SCUBE1: variants seen among roughly 807,000 people sequenced by gnomAD.
SCUBE1 encodes signal peptide, CUB domain and EGF like domain containing 1.
A neutral mutation model predicts 124.4 loss-of-function variants in SCUBE1; 59 were observed. The ratio of observed to expected loss-of-function variants is 0.47; its 90% CI spans 0.38 to 0.59. The LOEUF (loss-of-function observed/expected upper bound fraction) is 0.59, where lower values mean the gene tolerates loss of function less well. Among genes scored for constraint, SCUBE1 ranks in the 20% least tolerant of loss-of-function variants. The pLI is 0.00. For synonymous variants in SCUBE1, 545 were observed against 550.9 expected, an observed-to-expected ratio of 0.99 and a Z score of 0.15; for missense variants, 1,150 against 1,371.2, an observed-to-expected ratio of 0.84 and a Z score of 2.55.
chr22:43,277,512 C>G (rs186058234), intron 4 of SCUBE1, among the ~76,000 whole-genome samples: 1 of 152,348 alleles, frequency 6.6e-6, no homozygotes, highest in African/African-American at 2.4e-5. Flanking sequence ...CACAGCACCC[C>G]TGCCCCTGGC....
At chr22:43,310,172 T>C (rs1926119936) in intron 3 of SCUBE1, among the ~76,000 whole-genome samples, 1 of 152,024 alleles carries the variant, frequency 6.6e-6, no homozygotes, top group South Asian at 2.1e-4. Context: ...CTCCTGATCC[T>C]CCAGGCATCC....
In SCUBE1 at chr22:43,266,053, A is replaced by G. The variant is rs375421007; in HGVS notation, c.485-3208T>C. ...GAGGTGGAGGCTGCAGTGAGCTGAGATTGCGCCATTGCACTGCAGCCAGGG... is the reference window on the plus strand; with the variant it reads ...GAGGTGGAGGCTGCAGTGAGCTGAGGTTGCGCCATTGCACTGCAGCCAGGG... On this transcript the variant is annotated intron_variant, in intron 4 of 21. Transcript: ENST00000360835. Among the ~76,000 whole-genome samples the G allele has an allele frequency of 5.9e-5, 9 of 152,240 alleles. No individual in the cohort carries two copies. In the South Asian group the frequency reaches 1.2e-3, roughly 21 times the overall value.
chr22:43,288,854 C>G (rs1414228808), intron 4 of SCUBE1, among the ~76,000 whole-genome samples: 1 of 152,230 alleles, frequency 6.6e-6, no homozygotes, highest in Non-Finnish European at 1.5e-5. Context: ...CCGTGCCTGG[C>G]TCAGAGTAAG....
At chr22:43,220,613 C>G in intron 13 of SCUBE1, 26 bp from the exon 14 acceptor site, 2 of 1,608,822 alleles carry the variant, frequency 1.2e-6, no homozygotes, top group South Asian at 2.2e-5. Flanking sequence ...ACCACTGTGG[C>G]AAAGGCGGCA....
chr22:43,319,586 G>C (rs545517544), intron 3 of SCUBE1, among the ~76,000 whole-genome samples: 1 of 138,024 alleles, frequency 7.2e-6, no homozygotes, highest in African/African-American at 3.1e-5. Flanking sequence ...AAAAAGAAGA[G>C]GAGATTAGGA....
At chr22:43,253,337 C>T (rs1273654374) in intron 6 of SCUBE1, among the ~76,000 whole-genome samples, 2 of 152,314 alleles carry the variant, frequency 1.3e-5, no homozygotes, top group South Asian at 2.1e-4. Context: ...TTGAGGCCCC[C>T]GGACTGACCC....
chr22:43,214,310 C>G lies in SCUBE1; in HGVS notation c.1892-59G>C, dbSNP rs899852596. 3 of 1,532,520 alleles carry G rather than the reference C, an allele frequency of 2.0e-6. No individual in the cohort carries two copies. In the African/African-American group the frequency reaches 4.1e-5, roughly 21 times the overall value. The allele number at this position is 1,532,520 out of a possible 1,614,324, so 94.9% of individuals were successfully genotyped here. Reference sequence around the variant, plus strand: ...AGAGGTGGGGAGGCCAGGGGTGTCTCCTGTGTGCTCAAGCCCAGGCTCTCC... The same window carrying G: ...AGAGGTGGGGAGGCCAGGGGTGTCTGCTGTGTGCTCAAGCCCAGGCTCTCC... On this transcript the variant is annotated intron_variant, in intron 15 of 21. Coordinates refer to ENST00000360835, the MANE Select transcript of SCUBE1 (RefSeq NM_173050.5).
chr22:43,286,687 T>A (rs573907688), intron 4 of SCUBE1, among the ~76,000 whole-genome samples: 24 of 152,282 alleles, frequency 1.6e-4, no homozygotes, highest in African/African-American at 5.1e-4. Context: ...GGACCCCTAC[T>A]TAGCATGTGA....
At chr22:43,260,594 C>A (rs919070586) in intron 5 of SCUBE1, among the ~76,000 whole-genome samples, 1 of 152,264 alleles carries the variant, frequency 6.6e-6, no homozygotes, top group Non-Finnish European at 1.5e-5. Flanking sequence ...TAACTTCTCA[C>A]CAACCTTGTC....
chr22:43,291,232 A>C, intron 3 of SCUBE1, 52 bp from the exon 4 acceptor site: 1 of 1,576,968 alleles, frequency 6.3e-7, no homozygotes. Flanking sequence ...AGTTGGAAGC[A>C]GGGCATGAGG....
chr22:43,280,029 C>T (rs542473845), intron 4 of SCUBE1, among the ~76,000 whole-genome samples: 1 of 152,272 alleles, frequency 6.6e-6, no homozygotes, highest in South Asian at 2.1e-4. Flanking sequence ...TGATTACAGC[C>T]CAGGCTGGGC....
intron 2 of SCUBE1, among the ~76,000 whole-genome samples, chr22:43,329,919 A>C (rs1051363390): frequency 5.3e-5 from 8 of 152,130 alleles, no homozygotes. Flanking sequence ...AAATACAGCC[A>C]CTGTAATAAG....
intron 2 of SCUBE1, among the ~76,000 whole-genome samples, chr22:43,322,578 C>T (rs935317219): frequency 6.6e-6 from 1 of 152,236 alleles, no homozygotes; most frequent in African/African-American, 2.4e-5. Flanking sequence ...CACTTATTTT[C>T]ACTACCTGTC....
intron 7 of SCUBE1, among the ~76,000 whole-genome samples, chr22:43,236,137 T>C (rs1359510377): frequency 6.6e-6 from 1 of 152,176 alleles, no homozygotes; most frequent in Non-Finnish European, 1.5e-5. Context: ...CCCCAGACCC[T>C]GCCAAGATCA....
intron 2 of SCUBE1, among the ~76,000 whole-genome samples, chr22:43,322,513 C>T (rs1011509953): frequency 1.3e-5 from 2 of 152,196 alleles, no homozygotes; most frequent in Non-Finnish European, 2.9e-5. Context: ...ATCAAATCAG[C>T]TACCAACGCG....
chr22:43,234,609 A>G lies in SCUBE1; in HGVS notation c.845-2734T>C, dbSNP rs1246746521. 1.3e-5 allele frequency among the ~76,000 whole-genome samples: 2 copies of G among 152,160 alleles called. No homozygotes were observed. The highest frequency in any genetic ancestry group is 2.9e-5 in the Non-Finnish European group (2 of 68,008). On this transcript the variant is annotated intron_variant, in intron 7 of 21. Transcript: ENST00000360835. This position sits in a 1 kb window ranked among gnomAD's most constrained non-coding sequence, Gnocchi z 4.4. ...GGAAGCCCCCTCCTCACACTACCTC[A>G]GGATATAGTGAAGGGGGTGCTGGGC...
At chr22:43,229,034 C>G in intron 9 of SCUBE1, 38 bp downstream of exon 9, 2 of 1,494,688 alleles carry the variant, frequency 1.3e-6, no homozygotes, top group Non-Finnish European at 1.8e-6. Flanking sequence ...AGGCGCGTGC[C>G]TCGGGGGGGA....
At position 43,322,547 on chromosome 22, in the gene SCUBE1, C is replaced by T. The variant is rs373247867; in HGVS notation, c.221-2482G>A. ...CGTGGTTTTTCTACACCCTTAATAT[C>T]GTTACAGTCTGCCCACTGGCCACTT... On this transcript the variant is annotated intron_variant, in intron 2 of 21. Coordinates refer to ENST00000360835, the MANE Select transcript of SCUBE1 (RefSeq NM_173050.5). Among the ~76,000 whole-genome samples the T allele has an allele frequency of 1.3e-4, 20 of 152,312 alleles. 1 individual carries two copies. In the East Asian group the frequency reaches 2.9e-3, roughly 22 times the overall value.
At chr22:43,212,969 A>G (rs7285195) in intron 16 of SCUBE1, among the ~76,000 whole-genome samples, 9,694 of 152,182 alleles carry the variant, frequency 0.064, 515 homozygotes, top group African/African-American at 0.13. Flanking sequence ...GGGTCTCCGC[A>G]GAAGGAGCAC....
Sources: gnomAD v4.1 joint callset for allele counts (sites outside exome capture counted in the v4.1 genomes callset) on GRCh38, gnomAD v4.1.1 for gene constraint, Gnocchi (gnomAD v3.1) non-coding constraint, MANE v1.5 for transcripts, NCBI Gene and HGNC (gene_info 2026-07-23, HGNC 2026-07-21) for gene names.